The following PLXNB3 variants were observed in gnomAD, a reference collection of about 807,000 sequenced individuals.
PLXNB3 encodes plexin-B3.
A neutral mutation model predicts 125.7 loss-of-function variants in PLXNB3; 80 were observed. The ratio of observed to expected loss-of-function variants is 0.64; its 90% CI spans 0.53 to 0.77. PLXNB3 has a LOEUF of 0.77. PLXNB3 is among the 30% of genes least tolerant of loss of function. The pLI is 0.00. For synonymous variants in PLXNB3, 954 were observed against 783.3 expected, an observed-to-expected ratio of 1.22 and a Z score of -3.64; for missense variants, 1,836 against 1,729.3, an observed-to-expected ratio of 1.06 and a Z score of -1.09.
Position 153,773,311 on chromosome X carries a change from C to A in PLXNB3, c.2988C>A (p.Val996=). The change falls in exon 18 of 36, where the codon GTC becomes GTA. Residue 996 remains valine (V), a synonymous_variant. Transcript: ENST00000361971. ...AAPGEAAVLV[V]FGHAQRTLLA... is the part of the protein sequence containing the mutation. ...CAGGAGAAGCAGCGGTCCTTGTGGT[C>A]TTTGGCCATGCCCAGCGCACACTGC... 8.3e-7 allele frequency: 1 copy of A among 1,210,214 alleles called. No homozygotes were observed. Among genetic ancestry groups the A allele is most frequent in the East Asian group, 3.0e-5 (1 of 33,796 alleles).
chrX:153,773,992 G>A lies in PLXNB3; in HGVS notation c.3413G>A (p.Gly1138Glu), dbSNP rs2091959959. ...CAAGTGGACTTCGCCAGTGCCAGTG[G>A]GGGCCAGGGCTTCCTGTACCAGCCC... The part of the protein sequence containing the change: ...NVQVDFASAS[G>E]GQGFLYQPNP... The change falls in exon 20 of 36, where the codon GGG becomes GAG. Residue 1138 changes from glycine (G) to glutamate (E), a missense_variant. Transcript: ENST00000361971. 4.1e-6 allele frequency: 5 copies of A among 1,209,418 alleles called. No homozygotes were observed. The highest frequency in any genetic ancestry group is 4.5e-6 in the Non-Finnish European group (4 of 894,566).
At chrX:153,774,839 C>T (rs782035494) in intron 23 of PLXNB3, 33 bp downstream of exon 23, 12 of 1,209,398 alleles carry the variant, frequency 9.9e-6, no homozygotes, top group South Asian at 5.3e-5. Flanking sequence ...AGGGTACCCA[C>T]GAGGCCTGAA....
At chrX:153,766,176 C>T in intron 2 of PLXNB3, 2 of 1,134,636 alleles carry the variant, frequency 1.8e-6, no homozygotes, top group Non-Finnish European at 2.3e-6. Flanking sequence ...GCTGCCTTGC[C>T]CCAGTGCTTC....
At position 153,778,417 on chromosome X, in the gene PLXNB3, G is replaced by C. The variant is rs2092019981; in HGVS notation, c.5496G>C (p.Gln1832His). The C allele has an allele frequency of 8.3e-7, 1 of 1,211,556 alleles. No individual in the cohort carries two copies. The highest frequency in any genetic ancestry group is 1.8e-5 in the South Asian group (1 of 57,009). ...CCAGGTACTATGCGGACATTCGCCAGAGCTCTCCGGCGAGCTACCAGGAGA... is the reference window on the plus strand; with the variant it reads ...CCAGGTACTATGCGGACATTCGCCACAGCTCTCCGGCGAGCTACCAGGAGA... ...MVERYYADIR[Q>H]SSPASYQEMN... Residue 1832 changes from glutamine to histidine, a missense_variant, in exon 34 of 36, where the codon CAG becomes CAC. By Grantham distance (24) the Gln-to-His change is conservative. Coordinates refer to ENST00000361971, the MANE Select transcript of PLXNB3 (RefSeq NM_005393.3).
rs2091927871 is a variant in PLXNB3, at chrX:153,771,373, C to G, written c.2317C>G (p.Gln773Glu). ...VPIYVTQGEA[Q>E]RLDNTHALYV... is the part of the protein sequence containing the mutation. Reference sequence around the variant, plus strand: ...CATCTACGTCACCCAGGGTGAAGCCCAGAGGCTGGACAACACCCATGCTCT... The same window carrying G: ...CATCTACGTCACCCAGGGTGAAGCCGAGAGGCTGGACAACACCCATGCTCT... Residue 773 changes from glutamine (Q) to glutamate (E), a missense_variant, in exon 13 of 36, where the codon CAG becomes GAG. By Grantham distance (29) the Gln-to-Glu change is conservative. Coordinates refer to ENST00000361971, the MANE Select transcript of PLXNB3 (RefSeq NM_005393.3). 2 of 1,210,607 alleles carry G rather than the reference C, an allele frequency of 1.7e-6. No homozygotes were observed. The highest frequency in any genetic ancestry group is 2.2e-6 in the Non-Finnish European group (2 of 894,670).
At chrX:153,768,172 G>C in intron 3 of PLXNB3, 77 bp from the exon 4 acceptor site, 1 of 1,031,819 alleles carries the variant, frequency 9.7e-7, no homozygotes, top group Non-Finnish European at 1.3e-6. Flanking sequence ...CTCTCCTCCC[G>C]CTGGCAGCCT....
At chrX:153,771,114 C>G in intron 12 of PLXNB3, 33 bp downstream of exon 12, 1 of 1,138,604 alleles carries the variant, frequency 8.8e-7, no homozygotes, top group Non-Finnish European at 1.2e-6. Flanking sequence ...CTCTTGCCCC[C>G]AAGCTTCCGT....
Position 153,770,719 on chromosome X carries a change from C to T in PLXNB3, c.2011-39C>T, listed in dbSNP as rs782394083. On this transcript the variant is annotated intron_variant, in intron 10 of 35. Coordinates refer to ENST00000361971, the MANE Select transcript of PLXNB3 (RefSeq NM_005393.3). ...TCCCAGACCCGCCCAGCAGTAGGCC[C>T]TTTGAGTTCTGAAGGGCTGAGGGCT... is the stretch of plus-strand genomic sequence containing the variant. 3 of 1,205,458 alleles carry T rather than the reference C, an allele frequency of 2.5e-6. No homozygotes were observed. In the South Asian group the frequency reaches 5.3e-5, roughly 21 times the overall value.
rs1418683500 is a variant in PLXNB3 at position 153,777,145 on chromosome X, G to C, written c.4928-63G>C. 8.2e-6 allele frequency: 9 copies of C among 1,092,340 alleles called. No individual in the cohort carries two copies. In the African/African-American group the frequency reaches 1.7e-4, roughly 20 times the overall value. 90.0% of individuals were successfully genotyped at this position (1,092,340 alleles called of 1,213,427 possible). A position where few individuals can be genotyped will look rare whatever the true frequency, so the allele number is the denominator to read the frequency against. On this transcript the variant is annotated intron_variant, in intron 29 of 35. Coordinates refer to ENST00000361971, the MANE Select transcript of PLXNB3 (RefSeq NM_005393.3). Reference sequence around the variant, plus strand: ...ACTGCCCCACCTTGTCGGGGGAGTGGACTGGGCATCCCAGGCCAGGGGCAG... The same window carrying C: ...ACTGCCCCACCTTGTCGGGGGAGTGCACTGGGCATCCCAGGCCAGGGGCAG...
rs782190401 is a variant in PLXNB3 at position 153,774,307 on chromosome X, C to T, written c.3641C>T (p.Pro1214Leu). 15 of 1,162,278 alleles carry T rather than the reference C, an allele frequency of 1.3e-5. No homozygotes were observed. The South Asian group carries it at 1.7e-4, about 13-fold the overall frequency. The change falls in exon 21 of 36, where the codon CCG (proline) becomes CTG (leucine). Residue 1214 changes from proline to leucine, a missense_variant. By Grantham distance (98) the Pro-to-Leu change is moderately conservative (BLOSUM62 -3). Transcript: ENST00000361971. ...HLYCEPPAHA[P>L]QPANGSGLPQ... ...TACTGCGAGCCGCCTGCGCACGCCC[C>T]GCAGCCTGCCAATGGCTCCGGCCTG...
At chrX:153,775,184 G>A (rs2091972691) in intron 24 of PLXNB3, 41 bp from the exon 25 acceptor site, 1 of 1,151,245 alleles carries the variant, frequency 8.7e-7, no homozygotes, top group African/African-American at 1.8e-5. Flanking sequence ...AGGTGGGGGA[G>A]GAGTGGGGCT....
rs1329586857 is a variant in PLXNB3 at position 153,777,854 on chromosome X, G to C, written c.5262-94G>C. 5 of 1,110,191 alleles carry C rather than the reference G, an allele frequency of 4.5e-6. No homozygotes were observed. In the East Asian group the frequency reaches 1.2e-4, roughly 27 times the overall value. 91.5% of individuals were successfully genotyped at this position (1,110,191 alleles called of 1,213,427 possible). ...CCAGGCCAGCTTCCAGCGGCCCCTG[G>C]CTCCGAGTGTGTTGCCAGTAGGCTG... On this transcript the variant is annotated intron_variant, in intron 31 of 35. Coordinates refer to ENST00000361971, the MANE Select transcript of PLXNB3 (RefSeq NM_005393.3).
At chrX:153,769,311 C>G (rs988308708) in intron 6 of PLXNB3, 49 bp downstream of exon 6, 2 of 1,014,859 alleles carry the variant, frequency 2.0e-6, no homozygotes, top group African/African-American at 3.8e-5. Flanking sequence ...TGGTGTGTGC[C>G]ACGAGGCTGC....
chrX:153,770,236 C>T lies in PLXNB3; in HGVS notation c.1774C>T (p.Pro592Ser), dbSNP rs1557061158. 9 of 1,210,798 alleles carry T rather than the reference C, an allele frequency of 7.4e-6. No homozygotes were observed. Among genetic ancestry groups the T allele is most frequent in the Middle Eastern group, 4.6e-4 (2 of 4,351 alleles). ...TPPQDQVPLN[P>S]PGTDHVTVPL... ...TCCCCAAGACCAGGTGCCACTTAAC[C>T]CTCCAGGCACAGGTGAGTGGCCCAT... is the stretch of plus-strand genomic sequence containing the variant. The change falls in exon 8 of 36, where the codon CCT (proline) becomes TCT (serine). Residue 592 changes from proline to serine, a missense_variant. Transcript: ENST00000361971.
rs376257187 is a variant in PLXNB3, at chrX:153,767,606, G to A, written c.779G>A (p.Arg260His). Residue 260 changes from arginine (R) to histidine (H), a missense_variant, in exon 3 of 36, where the codon CGC becomes CAC. By Grantham distance (29) the Arg-to-His change is conservative. Transcript: ENST00000361971. ...GGGGCCCGGGCCCAGGCTGAGTACCGCTCCTACGTGGCCCGCGTCTGCCTG... is the reference window on the plus strand; with the variant it reads ...GGGGCCCGGGCCCAGGCTGAGTACCACTCCTACGTGGCCCGCGTCTGCCTG... ...RRGARAQAEY[R>H]SYVARVCLGD... 18 of 1,190,195 alleles carry A rather than the reference G, an allele frequency of 1.5e-5. No homozygotes were observed. The highest frequency in any genetic ancestry group is 1.9e-5 in the South Asian group (1 of 53,589).
intron 15 of PLXNB3, 60 bp from the exon 16 acceptor site, chrX:153,772,122 G>T (rs2148423013): frequency 1.2e-6 from 1 of 858,964 alleles, no homozygotes; most frequent in East Asian, 9.3e-5. Flanking sequence ...GGTCAGGGGA[G>T]GGGTGGGCTG....
intron 6 of PLXNB3, 127 bp downstream of exon 6, chrX:153,769,389 G>T: frequency 1.9e-6 from 1 of 517,340 alleles, no homozygotes; most frequent in South Asian, 3.1e-5. Context: ...GGGCCACCAC[G>T]GAGGTCACCC....
chrX:153,772,856 C>T lies in PLXNB3; in HGVS notation c.2776-30C>T, dbSNP rs374055932. ...GGGTGAAAGGGCCAGGCTGGGCTGCCGTGCCTACCCAGCCTGCGCTGTTCG... is the reference window on the plus strand; with the variant it reads ...GGGTGAAAGGGCCAGGCTGGGCTGCTGTGCCTACCCAGCCTGCGCTGTTCG... On this transcript the variant is annotated intron_variant, in intron 16 of 35. Transcript: ENST00000361971. 3.1e-5 allele frequency: 33 copies of T among 1,078,418 alleles called. No individual in the cohort carries two copies. In the Admixed American group the frequency reaches 7.7e-4, roughly 25 times the overall value. The allele number at this position is 1,078,418 out of a possible 1,213,427, so 88.9% of individuals were successfully genotyped here.
chrX:153,771,679 C>A (rs1237289425), intron 14 of PLXNB3, 24 bp downstream of exon 14: 22 of 1,163,262 alleles, frequency 1.9e-5, no homozygotes, highest in Non-Finnish European at 2.4e-5. Context: ...CGGGCCCCCA[C>A]AGCCCAGTGG....
Sources: gnomAD v4.1 joint callset for allele counts on GRCh38, gnomAD v4.1.1 for gene constraint, MANE v1.5 for transcripts, NCBI Gene and HGNC (gene_info 2026-07-23, HGNC 2026-07-21) for gene names.